The following MORC3 variants were observed in gnomAD, a reference collection of about 807,000 sequenced individuals.
The protein encoded by MORC3 is MORC family CW-type zinc finger protein 3.
Under a neutral mutation model 109.1 loss-of-function variants are expected in MORC3, and 31 were observed. The observed-to-expected ratio is 0.28, with a 90% confidence interval of 0.21 to 0.38. The LOEUF (loss-of-function observed/expected upper bound fraction) is 0.38, where lower values mean the gene tolerates loss of function less well. Ranked by LOEUF, MORC3 falls within the 10% of genes least tolerant of loss-of-function variation. The pLI, the probability that MORC3 is intolerant of heterozygous loss-of-function variation, is 1.00. For missense variants in MORC3, 867 were observed against 1,135.8 expected, an observed-to-expected ratio of 0.76 and a Z score of 3.40; for synonymous variants, 395 against 380.7, an observed-to-expected ratio of 1.04 and a Z score of -0.44.
rs747758969 is a variant in MORC3 at position 36,369,421 on chromosome 21, A to G, written c.2053A>G (p.Thr685Ala). 2.5e-6 allele frequency: 4 copies of G among 1,614,210 alleles called. No homozygotes were observed. In the Admixed American group the frequency reaches 6.7e-5, roughly 27 times the overall value. Residue 685 changes from threonine to alanine, a missense_variant, in exon 15 of 17, where the codon ACC (threonine) becomes GCC (alanine). Thr to Ala is a moderately conservative substitution (Grantham distance 58). Coordinates refer to ENST00000400485, the MANE Select transcript of MORC3 (RefSeq NM_015358.3). ...EAKIHETQET[T>A]DKSADDAGCQ... ...AAAGATACATGAAACCCAGGAAACCACCGATAAATCTGCAGATGATGCAGG... is the reference window on the plus strand; with the variant it reads ...AAAGATACATGAAACCCAGGAAACCGCCGATAAATCTGCAGATGATGCAGG...
chr21:36,327,570 C>CA (rs2085263431), intron 1 of MORC3, among the ~76,000 whole-genome samples: 1 of 151,118 alleles, frequency 6.6e-6, no homozygotes, highest in Non-Finnish European at 1.5e-5. Flanking sequence ...AAAGCAGAAA[C>CA]AAAGAACAAA....
Position 36,375,453 on chromosome 21 carries a change from G to GT in MORC3, c.*157_*158insT. The GT allele has an allele frequency of 1.6e-6, 1 of 625,064 alleles. No homozygotes were observed. Among genetic ancestry groups the GT allele is most frequent in the Non-Finnish European group, 2.6e-6 (1 of 384,746 alleles). 38.7% of individuals were successfully genotyped at this position (625,064 alleles called of 1,614,324 possible). A position where few individuals can be genotyped will look rare whatever the true frequency, so the allele number is the denominator to read the frequency against. On this transcript the variant is annotated 3_prime_UTR_variant, in exon 17 of 17. Transcript: ENST00000400485. ...ATTCAAATGTGGTCACAAATATTGT[G>GT]GACACATTATCTTATGTTTTGAAAT... is the stretch of plus-strand genomic sequence containing the variant.
At chr21:36,359,054 G>A (rs977630550) in intron 10 of MORC3, among the ~76,000 whole-genome samples, 1 of 152,114 alleles carries the variant, frequency 6.6e-6, no homozygotes, top group Non-Finnish European at 1.5e-5. Context: ...TCAGAAATAA[G>A]AGGGCAAAAG....
At chr21:36,364,590 T>G (rs1292473941) in intron 14 of MORC3, among the ~76,000 whole-genome samples, 2 of 151,332 alleles carry the variant, frequency 1.3e-5, no homozygotes, top group South Asian at 2.1e-4. Context: ...AGGCGGAGGC[T>G]GAGGCTGAGG....
chr21:36,321,019 C>T (rs1226015698), intron 1 of MORC3, among the ~76,000 whole-genome samples: 1 of 152,128 alleles, frequency 6.6e-6, no homozygotes, highest in East Asian at 1.9e-4. Context: ...ACCTGATTAT[C>T]CTAAAAAACT....
At position 36,342,602 on chromosome 21, in the gene MORC3, C is replaced by T. The variant is rs139215313; in HGVS notation, c.756+1056C>T. On this transcript the variant is annotated intron_variant, in intron 6 of 16. Coordinates refer to ENST00000400485, the MANE Select transcript of MORC3 (RefSeq NM_015358.3). ...TATTTTTGGTAGAGACGATGTTTCA[C>T]CAAGTTGTCCAGGCTGATCTCAAAC... 3.2e-3 allele frequency among the ~76,000 whole-genome samples: 480 copies of T among 152,176 alleles called. 1 individual carries two copies. Among genetic ancestry groups the T allele is most frequent in the Middle Eastern group, 0.01 (3 of 294 alleles).
intron 13 of MORC3, 62 bp from the exon 14 acceptor site, chr21:36,364,031 G>A (rs888712424): frequency 4.0e-6 from 6 of 1,507,892 alleles, no homozygotes; most frequent in Non-Finnish European, 5.4e-6. Context: ...ATTATATCTT[G>A]TGTTTTGGGC....
chr21:36,342,010 A>C (rs747321393), intron 6 of MORC3, among the ~76,000 whole-genome samples: 2 of 152,060 alleles, frequency 1.3e-5, no homozygotes, highest in Non-Finnish European at 2.9e-5. Flanking sequence ...GGTGGATCAC[A>C]AGGTCAGGAG....
intron 8 of MORC3, among the ~76,000 whole-genome samples, chr21:36,345,803 C>T (rs1014312943): frequency 7.2e-5 from 11 of 152,060 alleles, no homozygotes; most frequent in South Asian, 4.2e-4. Flanking sequence ...GTGATCCACC[C>T]GCCTCGGTCT....
At chr21:36,374,426 T>C (rs535613179) in intron 16 of MORC3, among the ~76,000 whole-genome samples, 1 of 152,228 alleles carries the variant, frequency 6.6e-6, no homozygotes, top group African/African-American at 2.4e-5. Context: ...TTTAACACAA[T>C]GTTTTGCAAG....
chr21:36,348,207 T>C (rs2085532683), intron 8 of MORC3: 1 of 152,252 alleles, frequency 6.6e-6, no homozygotes, highest in East Asian at 1.9e-4. Flanking sequence ...AAATAACTAA[T>C]TTAACCAACC....
intron 14 of MORC3, among the ~76,000 whole-genome samples, chr21:36,367,416 C>G (rs989508168): frequency 1.3e-5 from 2 of 152,114 alleles, no homozygotes; most frequent in African/African-American, 4.8e-5. Context: ...CATGGGACAG[C>G]AGACTGAAAC....
At chr21:36,357,731 G>GTTT (rs1271655500) in intron 10 of MORC3, among the ~76,000 whole-genome samples, 281 of 135,020 alleles carry the variant, frequency 2.1e-3, no homozygotes, top group African/African-American at 7.1e-3. Flanking sequence ...GGTTGGTTGG[G>GTTT]TTTTTTTTTT....
At chr21:36,341,001 A>G (rs1267440538) in intron 5 of MORC3, among the ~76,000 whole-genome samples, 3 of 152,202 alleles carry the variant, frequency 2.0e-5, no homozygotes, top group East Asian at 1.9e-4. Flanking sequence ...GTGTTTACCT[A>G]TTCAAGACAT....
At chr21:36,337,158 T>A in intron 3 of MORC3, 152 bp downstream of exon 3, 1 of 902,142 alleles carries the variant, frequency 1.1e-6, no homozygotes, top group Non-Finnish European at 1.6e-6. Context: ...CTACTACTGG[T>A]AGATGATGAG....
intron 9 of MORC3, among the ~76,000 whole-genome samples, chr21:36,356,210 C>G (rs2085643521): frequency 6.6e-6 from 1 of 152,210 alleles, no homozygotes; most frequent in South Asian, 2.1e-4. Context: ...ATGAAACCAC[C>G]TACAGTCTGT....
Position 36,320,210 on chromosome 21 carries a change from C to CA in MORC3, c.-54dup. 3.2e-6 allele frequency: 5 copies of CA among 1,557,816 alleles called. No homozygotes were observed. The South Asian group carries it at 5.9e-5, about 18-fold the overall frequency. ...CCATAGGGCTCCACAGTCGTTCCGC[C>CA]ACCTCCCAGTCGGGTTGCGGCGGAG... On this transcript the variant is annotated 5_prime_UTR_variant, in exon 1 of 17. Coordinates refer to ENST00000400485, the MANE Select transcript of MORC3 (RefSeq NM_015358.3).
intron 10 of MORC3, among the ~76,000 whole-genome samples, chr21:36,359,556 C>CTTTTTTTTTTTTTTTTTT (rs5843757): frequency 1.1e-5 from 1 of 93,952 alleles, no homozygotes; most frequent in African/African-American, 4.8e-5. Context: ...CTTTCCTCTC[C>CTTTTTTTTTTTTTTTTTT]TTTTTTTTTT....
chr21:36,372,458 A>C lies in MORC3; in HGVS notation c.2593A>C (p.Asn865His), dbSNP rs762671947. 3 of 1,609,804 alleles carry C rather than the reference A, an allele frequency of 1.9e-6. No homozygotes were observed. Among genetic ancestry groups the C allele is most frequent in the East Asian group, 4.5e-5 (2 of 44,756 alleles). Residue 865 changes from asparagine to histidine, a missense_variant, in exon 16 of 17, where the codon AAT becomes CAT. Transcript: ENST00000400485. ...KTEVEQLKST[N>H]QQTATDVSTS... ...TGAAGTAGAACAGTTAAAATCTACAAATCAACAGACGGCAACAGATGTTTC... is the reference window on the plus strand; with the variant it reads ...TGAAGTAGAACAGTTAAAATCTACACATCAACAGACGGCAACAGATGTTTC...
Sources: allele counts gnomAD v4.1 joint callset (sites outside exome capture counted in the v4.1 genomes callset), GRCh38; gene constraint gnomAD v4.1.1; transcripts MANE v1.5; gene names NCBI Gene and HGNC (gene_info 2026-07-23, HGNC 2026-07-21).